PTPRD: variants seen among roughly 807,000 people sequenced by gnomAD.
PTPRD encodes the protein receptor-type tyrosine-protein phosphatase delta.
Under a neutral mutation model 214.5 loss-of-function variants are expected in PTPRD, and 34 were observed. The observed-to-expected ratio is 0.16, with a 90% confidence interval of 0.12 to 0.21. The LOEUF (loss-of-function observed/expected upper bound fraction) is 0.21, where lower values mean the gene tolerates loss of function less well. PTPRD is among the 10% of genes least tolerant of loss of function. PTPRD has a pLI of 1.00. For synonymous variants in PTPRD, 1,128 were observed against 845.7 expected (o/e 1.33, Z -5.79); for missense variants, 2,545 against 2,398.7 (o/e 1.06, Z -1.27).
intron 12 of PTPRD, among the ~76,000 whole-genome samples, chr9:8,650,473 C>T (rs1403631743): frequency 3.4e-5 from 5 of 147,984 alleles, no homozygotes; most frequent in African/African-American, 7.5e-5. Context: ...TGCGGTGAGC[C>T]GAGATCGTGT....
chr9:8,699,318 T>G (rs543582647), intron 12 of PTPRD, among the ~76,000 whole-genome samples: 1 of 152,268 alleles, frequency 6.6e-6, no homozygotes, highest in East Asian at 1.9e-4. Context: ...CACAGAAAGA[T>G]GAGGCAGACA....
intron 6 of PTPRD, among the ~76,000 whole-genome samples, chr9:9,754,357 G>T (rs2098549275): frequency 6.6e-6 from 1 of 151,984 alleles, no homozygotes; most frequent in African/African-American, 2.4e-5. Flanking sequence ...AAATGCAATG[G>T]GATTTGTTGA....
intron 45 of PTPRD, among the ~76,000 whole-genome samples, chr9:8,318,585 C>T (rs1030811619): frequency 2.0e-5 from 3 of 152,012 alleles, no homozygotes; most frequent in East Asian, 3.9e-4. Context: ...GCACACAAAT[C>T]CATTTACACA....
chr9:8,602,472 C>G (rs1193697082), intron 14 of PTPRD, among the ~76,000 whole-genome samples: 1 of 152,136 alleles, frequency 6.6e-6, no homozygotes, highest in African/African-American at 2.4e-5. Context: ...ATACCAGAGA[C>G]CATTGTTTCA....
chr9:9,904,734 C>A (rs1322107420), intron 5 of PTPRD, among the ~76,000 whole-genome samples: 1 of 151,996 alleles, frequency 6.6e-6, no homozygotes. Context: ...GCTTAAACAT[C>A]TTTTTAATTT....
intron 5 of PTPRD, among the ~76,000 whole-genome samples, chr9:9,837,393 C>A (rs186177527): frequency 2.0e-5 from 3 of 152,050 alleles, no homozygotes; most frequent in Non-Finnish European, 4.4e-5. Flanking sequence ...TGTTCTAGAA[C>A]CAATTGCATT....
chr9:9,133,617 A>G (rs2099846211), intron 10 of PTPRD, among the ~76,000 whole-genome samples: 1 of 152,214 alleles, frequency 6.6e-6, no homozygotes, highest in Non-Finnish European at 1.5e-5. Flanking sequence ...TAGGGATTTT[A>G]GATGTGAGTA....
intron 14 of PTPRD, among the ~76,000 whole-genome samples, chr9:8,550,084 G>A (rs73640926): frequency 0.038 from 5,769 of 152,108 alleles, 365 homozygotes; most frequent in African/African-American, 0.13. Flanking sequence ...ACAAATAGAA[G>A]ACTTGTTTAG....
At chr9:8,514,778 C>CAG (rs1261959143) in intron 21 of PTPRD, among the ~76,000 whole-genome samples, 1 of 152,178 alleles carries the variant, frequency 6.6e-6, no homozygotes, top group Non-Finnish European at 1.5e-5. Flanking sequence ...TGATTAGGCT[C>CAG]TGCGTCCCCA....
intron 9 of PTPRD, among the ~76,000 whole-genome samples, chr9:9,341,329 C>G (rs1159283754): frequency 6.6e-6 from 1 of 152,000 alleles, no homozygotes; most frequent in Non-Finnish European, 1.5e-5. Flanking sequence ...GAAAGAAATC[C>G]TTTGTTAGAA....
intron 11 of PTPRD, among the ~76,000 whole-genome samples, chr9:8,853,244 T>A (rs889511188): frequency 6.6e-6 from 1 of 152,186 alleles, no homozygotes; most frequent in Non-Finnish European, 1.5e-5. Flanking sequence ...CTGTAACATA[T>A]AAGCATTTGC....
chr9:8,446,329 A>G (rs2095723508), intron 34 of PTPRD, among the ~76,000 whole-genome samples: 2 of 152,262 alleles, frequency 1.3e-5, no homozygotes, highest in Non-Finnish European at 1.5e-5. Context: ...CCAAAAGAAT[A>G]AATAACTTAG....
intron 8 of PTPRD, among the ~76,000 whole-genome samples, chr9:9,464,429 T>G (rs907911205): frequency 2.0e-5 from 3 of 152,204 alleles, no homozygotes; most frequent in Non-Finnish European, 1.5e-5. Flanking sequence ...TTTAAGCTGT[T>G]TAATTATAGA....
intron 27 of PTPRD, among the ~76,000 whole-genome samples, chr9:8,489,599 G>A (rs970345354): frequency 6.6e-6 from 1 of 152,192 alleles, no homozygotes; most frequent in Admixed American, 6.5e-5. Context: ...AGGGTCACAC[G>A]AAGCGATGCC....
At chr9:10,465,551 A>G (rs2098987843) in intron 2 of PTPRD, among the ~76,000 whole-genome samples, 1 of 152,188 alleles carries the variant, frequency 6.6e-6, no homozygotes, top group South Asian at 2.1e-4. Context: ...TTATACCGGA[A>G]CTGAAAAATT....
chr9:9,462,560 A>G (rs970695984), intron 8 of PTPRD, among the ~76,000 whole-genome samples: 3 of 152,202 alleles, frequency 2.0e-5, no homozygotes, highest in African/African-American at 7.2e-5. Context: ...GTAGAAACAA[A>G]TAACAATCCA....
intron 3 of PTPRD, among the ~76,000 whole-genome samples, chr9:10,252,776 G>A (rs2092903488): frequency 1.3e-5 from 2 of 152,002 alleles, no homozygotes; most frequent in South Asian, 4.1e-4. Flanking sequence ...CAGTCACAGA[G>A]CCGAAGTGTA....
At chr9:8,604,255 G>A (rs2095063155) in intron 14 of PTPRD, among the ~76,000 whole-genome samples, 1 of 152,162 alleles carries the variant, frequency 6.6e-6, no homozygotes, top group South Asian at 2.1e-4. Context: ...AGAGCAAAGT[G>A]CCACAGTGGC....
chr9:8,660,436 A>G, intron 12 of PTPRD, among the ~76,000 whole-genome samples: 1 of 152,186 alleles, frequency 6.6e-6, no homozygotes, highest in East Asian at 1.9e-4. Context: ...ATTCAAAAAG[A>G]TAACACTTAT....
Sources: allele counts gnomAD v4.1 joint callset (sites outside exome capture counted in the v4.1 genomes callset), GRCh38; gene constraint gnomAD v4.1.1; transcripts MANE v1.5; gene names NCBI Gene and HGNC (gene_info 2026-07-23, HGNC 2026-07-21).